The following TMPRSS9 variants were observed in gnomAD, a reference collection of about 807,000 sequenced individuals.
TMPRSS9 encodes the protein transmembrane serine protease 9, also known as transmembrane protease serine 9.
In TMPRSS9, 113 loss-of-function variants were observed where a neutral mutation model predicts 111.4. That is an observed-to-expected ratio of 1.01 (90% CI 0.87 to 1.19). TMPRSS9 has a LOEUF of 1.19. TMPRSS9 is among the 50% of genes most tolerant of loss of function. The pLI is 0.00. For synonymous variants in TMPRSS9, 805 were observed against 659.1 expected (o/e 1.22, Z -3.39); for missense variants, 1,803 against 1,513.1 (o/e 1.19, Z -3.18).
chr19:2,363,027 C>G (rs1024696069), intron 1 of TMPRSS9, among the ~76,000 whole-genome samples: 1 of 152,144 alleles, frequency 6.6e-6, no homozygotes, highest in Non-Finnish European at 1.5e-5. Flanking sequence ...AGGGTCCCAG[C>G]GCTCAGGCTG....
rs187045892 is a variant in TMPRSS9, at chr19:2,396,914, T to G, written c.270+248T>G. On this transcript the variant is annotated intron_variant, in intron 2 of 17. Coordinates refer to ENST00000648592, the Ensembl canonical transcript of TMPRSS9. ...TGGGACTTTAGGCCACATTTAGAGG[T>G]TTTTTTTTTTTTCTTTTTTTTCTTG... Among the ~76,000 whole-genome samples, 8 of 127,216 alleles carry G rather than the reference T, an allele frequency of 6.3e-5. No homozygotes were observed. In the East Asian group the frequency reaches 1.5e-3, roughly 25 times the overall value. 83.5% of individuals were successfully genotyped at this position (127,216 alleles called of 152,430 possible).
intron 1 of TMPRSS9, among the ~76,000 whole-genome samples, chr19:2,366,651 A>T (rs892345687): frequency 1.3e-5 from 2 of 151,246 alleles, no homozygotes; most frequent in Admixed American, 6.6e-5. Context: ...AGGTCAGGAG[A>T]TCAAGACCAT....
chr19:2,416,452 C>T lies in TMPRSS9; in HGVS notation c.1746-86C>T, dbSNP rs1323817461. The stretch of plus-strand genomic sequence containing the variant: ...GGCCCAGGCAGCCCTGTGTGGCTTC[C>T]TGGGGGTGTGCATCAGCCCTGTCCC... On this transcript the variant is annotated intron_variant, in intron 11 of 17. Transcript: ENST00000648592. 5.9e-6 allele frequency: 9 copies of T among 1,516,100 alleles called. No individual in the cohort carries two copies. The African/African-American group carries it at 1.1e-4, about 18-fold the overall frequency. The allele number at this position is 1,516,100 out of a possible 1,614,324, so 93.9% of individuals were successfully genotyped here.
Position 2,364,096 on chromosome 19 carries a change from C to T in TMPRSS9, c.-26+3736C>T, listed in dbSNP as rs533125028. On this transcript the variant is annotated intron_variant, in intron 1 of 17. Transcript: ENST00000649857. ...ACTCAGGAGGCTGAGATGGGAGGAT[C>T]GCTTGAGCCCGGGAGTTGGAGGCTG... Among the ~76,000 whole-genome samples the T allele has an allele frequency of 3.9e-5, 6 of 152,114 alleles. No individual in the cohort carries two copies. The South Asian group carries it at 8.3e-4, about 21-fold the overall frequency.
At chr19:2,362,749 C>T (rs1970210931) in intron 1 of TMPRSS9, among the ~76,000 whole-genome samples, 1 of 151,676 alleles carries the variant, frequency 6.6e-6, no homozygotes, top group South Asian at 2.1e-4. Flanking sequence ...TGTGTGTGTA[C>T]TTGCATGATG....
intron 1 of TMPRSS9, among the ~76,000 whole-genome samples, chr19:2,362,539 T>C (rs1970209158): frequency 6.6e-6 from 1 of 151,766 alleles, no homozygotes; most frequent in South Asian, 2.1e-4. Flanking sequence ...TGCATGATTT[T>C]GTGGATGGCT....
rs1027376774 is a variant in TMPRSS9 at position 2,374,248 on chromosome 19, CT to C, written c.-26+13925del. ...TTTCATGCTGATTTCTCTCAACAAT[CT>C]TTTTTTTTTTTTTTTTTTTTTTTTT... On this transcript the variant is annotated intron_variant, in intron 1 of 17. Transcript: ENST00000649857. 8.0e-3 allele frequency among the ~76,000 whole-genome samples: 559 copies of C among 70,196 alleles called. 1 individual carries two copies. Among genetic ancestry groups the C allele is most frequent in the Non-Finnish European group, 0.011 (386 of 36,350 alleles). 46.1% of individuals were successfully genotyped at this position (70,196 alleles called of 152,430 possible).
intron 14 of TMPRSS9, among the ~76,000 whole-genome samples, chr19:2,423,848 C>T (rs1971525380): frequency 2.0e-5 from 3 of 152,258 alleles, no homozygotes; most frequent in Non-Finnish European, 4.4e-5. Context: ...GCAGGGGAAA[C>T]GTATGGTCCC....
chr19:2,398,250 C>T (rs1001175427), intron 2 of TMPRSS9, among the ~76,000 whole-genome samples: 1 of 149,412 alleles, frequency 6.7e-6, no homozygotes, highest in African/African-American at 2.5e-5. Flanking sequence ...GAGCCGAGAT[C>T]GTGCCACTGC....
At chr19:2,380,220 G>C (rs926242806) in intron 1 of TMPRSS9, among the ~76,000 whole-genome samples, 16 of 152,132 alleles carry the variant, frequency 1.1e-4, no homozygotes, top group African/African-American at 3.9e-4. Flanking sequence ...AGAAATCGAG[G>C]CTGCAATGAG....
intron 1 of TMPRSS9, among the ~76,000 whole-genome samples, chr19:2,368,032 A>C (rs1278072182): frequency 6.6e-6 from 1 of 152,166 alleles, no homozygotes; most frequent in African/African-American, 2.4e-5. Flanking sequence ...CTTTTATTAA[A>C]GGTATATTTT....
intron 4 of TMPRSS9, among the ~76,000 whole-genome samples, chr19:2,401,567 T>C (rs1250800234): frequency 6.6e-6 from 1 of 152,084 alleles, no homozygotes; most frequent in Non-Finnish European, 1.5e-5. Flanking sequence ...AGCTGCTCAC[T>C]TTACTCCATG....
chr19:2,377,740 G>C (rs1046860772), intron 1 of TMPRSS9, among the ~76,000 whole-genome samples: 3 of 54,826 alleles, frequency 5.5e-5, no homozygotes, highest in Admixed American at 2.6e-4. Flanking sequence ...TCTGAGACAA[G>C]GTCTCACTGT....
At chr19:2,413,904 C>G (rs901254980) in exon 10 of TMPRSS9, 2 of 1,612,968 alleles carry the variant, frequency 1.2e-6, no homozygotes, top group African/African-American at 2.7e-5. Flanking sequence ...CCCTGCCGCC[C>G]CCAGCACAGC....
In TMPRSS9 at chr19:2,422,335, T is replaced by C; in HGVS notation, c.2548+88T>C. 3 of 1,418,850 alleles carry C rather than the reference T, an allele frequency of 2.1e-6. No individual in the cohort carries two copies. The South Asian group carries it at 4.9e-5, about 23-fold the overall frequency. 87.9% of individuals were successfully genotyped at this position (1,418,850 alleles called of 1,614,324 possible). ...CCTAACAAGACATAACGTCGTCCAC[T>C]TTGGGAGGCCGAGGCGGGCGGATCA... On this transcript the variant is annotated intron_variant, in intron 14 of 17. Coordinates refer to ENST00000648592, the Ensembl canonical transcript of TMPRSS9.
chr19:2,368,704 T>G (rs1306514055), intron 1 of TMPRSS9, among the ~76,000 whole-genome samples: 3 of 150,906 alleles, frequency 2.0e-5, no homozygotes, highest in Non-Finnish European at 2.9e-5. Flanking sequence ...AGAGCTACCC[T>G]GCAGACGGTC....
At chr19:2,376,021 G>A (rs542699859) in intron 1 of TMPRSS9, among the ~76,000 whole-genome samples, 7 of 152,230 alleles carry the variant, frequency 4.6e-5, no homozygotes, top group Admixed American at 1.3e-4. Context: ...GCATCGAGTA[G>A]CATTGTCCCC....
At chr19:2,420,401 C>T (rs1971435939) in intron 13 of TMPRSS9, among the ~76,000 whole-genome samples, 1 of 145,670 alleles carries the variant, frequency 6.9e-6, no homozygotes, top group African/African-American at 2.6e-5. Flanking sequence ...GAGATCATGT[C>T]ACTGCACTCC....
At chr19:2,411,884 ATTCT>A (rs1971103636) in intron 9 of TMPRSS9, among the ~76,000 whole-genome samples, 2 of 152,122 alleles carry the variant, frequency 1.3e-5, no homozygotes, top group South Asian at 2.1e-4. Flanking sequence ...AAGGTGTCTC[ATTCT>A]TTCTTCTTTC....
Sources: gnomAD v4.1 joint callset for allele counts (sites outside exome capture counted in the v4.1 genomes callset) on GRCh38, gnomAD v4.1.1 for gene constraint, MANE v1.5 for transcripts, NCBI Gene and HGNC (gene_info 2026-07-23, HGNC 2026-07-21) for gene names.